The following ANKFN1 variants were observed in gnomAD, a reference collection of about 807,000 sequenced individuals.
ANKFN1 encodes the protein ankyrin repeat and fibronectin type III domain containing 1, also known as ankyrin repeat and fibronectin type-III domain-containing protein 1.
ANKFN1 carries 74 observed loss-of-function variants against 108.7 expected under a neutral mutation model. That is an observed-to-expected ratio of 0.68 (90% confidence interval 0.56 to 0.83). The LOEUF (loss-of-function observed/expected upper bound fraction) is 0.83. Among genes scored for constraint, ANKFN1 ranks in the 40% least tolerant of loss-of-function variants. The pLI is 0.00. For missense variants in ANKFN1, 1,505 were observed against 1,382.3 expected (o/e 1.09, Z -1.41); for synonymous variants, 547 against 516.2 (o/e 1.06, Z -0.81).
At chr17:56,420,768 C>T (rs538685583) in intron 8 of ANKFN1, among the ~76,000 whole-genome samples, 4 of 147,180 alleles carry the variant, frequency 2.7e-5, no homozygotes, top group Admixed American at 6.9e-5. Context: ...AATGCAGTGG[C>T]GCGATCTCGG....
At position 56,498,900 on chromosome 17, in the gene ANKFN1, C is replaced by T. The variant is rs1409291532; in HGVS notation, c.2446C>T (p.Arg816Cys). Residue 816 changes from arginine (R) to cysteine (C), a missense_variant, in exon 20 of 21, where the codon CGT (arginine) becomes TGT (cysteine). By Grantham distance (180) the Arg-to-Cys change is radical. Transcript: ENST00000682825. ...DFIQQIDEVW[R>C]EMRWIMDALQ... ...TCCAAAGCAAATAGATGAAGTCTGG[C>T]GTGAAATGAGATGGATCATGGATGC... The T allele has an allele frequency of 2.2e-5, 34 of 1,535,276 alleles. No homozygotes were observed. The highest frequency in any genetic ancestry group is 2.7e-5 in the Non-Finnish European group (31 of 1,146,410).
chr17:56,356,860 C>A (rs957011421), intron 6 of ANKFN1, among the ~76,000 whole-genome samples: 8 of 152,132 alleles, frequency 5.3e-5, no homozygotes, highest in African/African-American at 1.9e-4. Flanking sequence ...CCATGGCCAT[C>A]CTGCACTGGG....
chr17:56,139,437 G>C (rs1478644428), intron 4 of ANKFN1, among the ~76,000 whole-genome samples: 3 of 152,142 alleles, frequency 2.0e-5, no homozygotes, highest in Non-Finnish European at 4.4e-5. Flanking sequence ...AGGAAATGTT[G>C]TGCCATTAGA....
chr17:56,168,529 T>C (rs1910364716), intron 1 of ANKFN1, among the ~76,000 whole-genome samples: 1 of 152,254 alleles, frequency 6.6e-6, no homozygotes, highest in African/African-American at 2.4e-5. Flanking sequence ...TTGTTTTTCA[T>C]AGGCTATTTT....
intron 10 of ANKFN1, among the ~76,000 whole-genome samples, chr17:56,446,519 T>C (rs921525916): frequency 6.6e-6 from 1 of 152,230 alleles, no homozygotes; most frequent in Admixed American, 6.5e-5. Context: ...TCCTATCTTA[T>C]CCTACCTGAA....
intron 8 of ANKFN1, among the ~76,000 whole-genome samples, chr17:56,422,018 C>T (rs547559546): frequency 1.3e-3 from 193 of 152,236 alleles, no homozygotes; most frequent in African/African-American, 4.5e-3. Flanking sequence ...ATTTTTATCC[C>T]TCTCATGGGT....
At chr17:56,400,070 T>C (rs1400366346) in intron 8 of ANKFN1, among the ~76,000 whole-genome samples, 3 of 151,910 alleles carry the variant, frequency 2.0e-5, no homozygotes, top group Non-Finnish European at 4.4e-5. Flanking sequence ...CTTTTTTGAA[T>C]AATGACTTCT....
At chr17:56,281,977 T>C (rs943090950) in intron 3 of ANKFN1, among the ~76,000 whole-genome samples, 1 of 152,182 alleles carries the variant, frequency 6.6e-6, no homozygotes, top group Non-Finnish European at 1.5e-5. Context: ...GCAATTCTAC[T>C]CTTAGCTATT....
At chr17:56,388,737 C>G (rs536191205) in intron 8 of ANKFN1, among the ~76,000 whole-genome samples, 1 of 152,166 alleles carries the variant, frequency 6.6e-6, no homozygotes, top group East Asian at 1.9e-4. Context: ...CAGAGTATTA[C>G]TTATTTCCCC....
rs1412949129 is a variant in ANKFN1 at position 56,307,471 on chromosome 17, G to A, written c.54-18750G>A. Among the ~76,000 whole-genome samples the A allele has an allele frequency of 1.5e-4, 23 of 152,328 alleles. No individual in the cohort carries two copies. In the East Asian group the frequency reaches 4.4e-3, roughly 29 times the overall value. ...ACATTTATGCAGCCAAAAGACACAT[G>A]AGAAAATGCTCATCATCACTGGCCA... On this transcript the variant is annotated intron_variant, in intron 3 of 20. Transcript: ENST00000682825.
chr17:56,328,432 C>T (rs2045579425), intron 4 of ANKFN1, among the ~76,000 whole-genome samples: 1 of 152,066 alleles, frequency 6.6e-6, no homozygotes, highest in Non-Finnish European at 1.5e-5. Flanking sequence ...TTCAAACATT[C>T]CTAGGGGAAA....
At position 56,374,710 on chromosome 17, in the gene ANKFN1, T is replaced by TA; in HGVS notation, c.909dup (p.Val304SerfsTer20). ...TCAATGCAGCTGTAGTAACCAGGTA[T>TA]AAAGGTACTGGACCCAAGACATGTT... On this transcript the variant is annotated frameshift_variant, in exon 8 of 21. Coordinates refer to ENST00000682825, the MANE Select transcript of ANKFN1 (RefSeq NM_001370326.1). LOFTEE classifies it high-confidence loss of function. 1.2e-6 allele frequency: 2 copies of TA among 1,607,996 alleles called. No homozygotes were observed. Among genetic ancestry groups the TA allele is most frequent in the Non-Finnish European group, 1.7e-6 (2 of 1,175,072 alleles).
chr17:56,277,226 A>T (rs963914992), intron 3 of ANKFN1, among the ~76,000 whole-genome samples: 3 of 152,218 alleles, frequency 2.0e-5, no homozygotes, highest in African/African-American at 7.2e-5. Context: ...CAACACTAAT[A>T]AAATTAAAGT....
chr17:56,350,768 A>T lies in ANKFN1; in HGVS notation c.191A>T (p.Asn64Ile). The T allele has an allele frequency of 6.2e-7, 1 of 1,613,452 alleles. No individual in the cohort carries two copies. Among genetic ancestry groups the T allele is most frequent in the Non-Finnish European group, 8.5e-7 (1 of 1,179,586 alleles). ...SSAASNSINW[N>I]CRVKMTQQMQ... ...ACATCGGACTTTCCTCTTCTTAGGA[A>T]TTGTCGTGTGAAAATGACGCAACAA... Residue 64 changes from asparagine (N) to isoleucine (I), a missense_variant and splice_region_variant, in exon 5 of 21, where the codon AAT (asparagine) becomes ATT (isoleucine). Physicochemically the swap from Asn to Ile is moderately radical, Grantham distance 149. Transcript: ENST00000682825.
At chr17:56,490,722 A>G (rs2051009267) in intron 18 of ANKFN1, among the ~76,000 whole-genome samples, 1 of 152,222 alleles carries the variant, frequency 6.6e-6, no homozygotes, top group African/African-American at 2.4e-5. Context: ...AGTGCTAAAC[A>G]GAGCAGAGAA....
intron 4 of ANKFN1, among the ~76,000 whole-genome samples, chr17:56,339,276 TTTTC>T (rs899056492): frequency 3.3e-5 from 5 of 152,062 alleles, no homozygotes; most frequent in Non-Finnish European, 7.4e-5. Flanking sequence ...TATTTTATAT[TTTTC>T]TGTATAATTT....
chr17:56,080,474 C>G (rs1477819608), intron 4 of ANKFN1, among the ~76,000 whole-genome samples: 1 of 152,210 alleles, frequency 6.6e-6, no homozygotes, highest in Non-Finnish European at 1.5e-5. Context: ...TGAGGTGCAT[C>G]TGTGTAAATA....
chr17:56,185,834 GC>G (rs752300069), intron 1 of ANKFN1, among the ~76,000 whole-genome samples: 2 of 152,072 alleles, frequency 1.3e-5, no homozygotes, highest in Non-Finnish European at 2.9e-5. Context: ...TGTAGTAAAA[GC>G]CCTAATAAAC....
intron 3 of ANKFN1, among the ~76,000 whole-genome samples, chr17:56,318,853 A>G (rs1056623052): frequency 1.3e-5 from 2 of 152,034 alleles, no homozygotes; most frequent in Non-Finnish European, 2.9e-5. Context: ...GTTCCCAAGT[A>G]TCTCAAATGA....
Sources: allele counts gnomAD v4.1 joint callset (sites outside exome capture counted in the v4.1 genomes callset), GRCh38; gene constraint gnomAD v4.1.1; transcripts MANE v1.5; gene names NCBI Gene and HGNC (gene_info 2026-07-23, HGNC 2026-07-21).